The following DNAH2 variants were observed in gnomAD, a reference collection of about 807,000 sequenced individuals.
The protein encoded by DNAH2 is axonemal beta dynein heavy chain 2.
Under a neutral mutation model 523.5 loss-of-function variants are expected in DNAH2, and 323 were observed. The observed-to-expected ratio is 0.62, with a 90% CI of 0.56 to 0.68. The LOEUF (loss-of-function observed/expected upper bound fraction) is 0.68. Ranked by LOEUF, DNAH2 falls within the 30% of genes least tolerant of loss-of-function variation. The probability of loss-of-function intolerance (pLI) is 0.00; values close to 1 mark genes in which losing one functional copy is unlikely to be tolerated. For missense variants in DNAH2, 4,907 were observed against 5,701.5 expected (o/e 0.86, Z 4.49); for synonymous variants, 2,093 against 2,177.4 (o/e 0.96, Z 1.08).
chr17:7,809,269 T>A (rs1287800678), intron 63 of DNAH2, among the ~76,000 whole-genome samples: 2 of 152,200 alleles, frequency 1.3e-5, no homozygotes, highest in Non-Finnish European at 2.9e-5. Context: ...CACTGGCTCG[T>A]CACCGTCAGA....
At chr17:7,758,432 T>C (rs945944887) in intron 13 of DNAH2, 63 bp from the exon 14 acceptor site, 8 of 1,550,758 alleles carry the variant, frequency 5.2e-6, no homozygotes, top group South Asian at 1.2e-5. Context: ...CACTGTTTCC[T>C]GAAGTGGAGG....
intron 48 of DNAH2, among the ~76,000 whole-genome samples, chr17:7,793,785 A>G (rs1212508653): frequency 2.0e-5 from 3 of 151,992 alleles, no homozygotes; most frequent in Non-Finnish European, 4.4e-5. Flanking sequence ...ATCAGCGGCC[A>G]TCGCGGCCTG....
At chr17:7,799,741 C>A (rs1433091081) in intron 56 of DNAH2, among the ~76,000 whole-genome samples, 3 of 152,100 alleles carry the variant, frequency 2.0e-5, no homozygotes, top group Non-Finnish European at 4.4e-5. Flanking sequence ...TCGCTTGAAC[C>A]CGGGAGGCAG....
In DNAH2 at chr17:7,792,911, C is replaced by A. The variant is rs2076939370; in HGVS notation, c.7344+56C>A. The stretch of plus-strand genomic sequence containing the variant: ...GGCTCCCTTGGGATCCAAGTGCCTG[C>A]CTGACCCTCCTCTCTAAGCCCGTAT... On this transcript the variant is annotated intron_variant, in intron 47 of 85. Transcript: ENST00000572933. 7.5e-6 allele frequency: 12 copies of A among 1,603,548 alleles called. 1 individual carries two copies. The East Asian group carries it at 2.7e-4, about 36-fold the overall frequency.
chr17:7,736,184 T>TA (rs959089641), intron 7 of DNAH2, among the ~76,000 whole-genome samples: 46 of 151,696 alleles, frequency 3.0e-4, no homozygotes, highest in African/African-American at 1.1e-3. Flanking sequence ...CAATAAACAT[T>TA]AAAAAAAAAT....
rs141705615 is a variant in DNAH2 at position 7,727,470 on chromosome 17, T to C, written c.399+178T>C. Among the ~76,000 whole-genome samples, 805 of 152,200 alleles carry C rather than the reference T, an allele frequency of 5.3e-3. 12 individuals are homozygous for C. The highest frequency in any genetic ancestry group is 0.018 in the African/African-American group (750 of 41,534). On this transcript the variant is annotated intron_variant, in intron 4 of 85. Coordinates refer to ENST00000572933, the MANE Select transcript of DNAH2 (RefSeq NM_020877.5). The stretch of plus-strand genomic sequence containing the variant: ...GAAGGATGACGCAAGAACGCTGTCA[T>C]GGGCTGGGCGCGGTGGCTCACGCCT...
Position 7,798,550 on chromosome 17 carries a change from C to G in DNAH2, c.8399-8C>G. 6.2e-7 allele frequency: 1 copy of G among 1,613,752 alleles called. No homozygotes were observed. Among genetic ancestry groups the G allele is most frequent in the Non-Finnish European group, 8.5e-7 (1 of 1,179,926 alleles). Reference sequence around the variant, plus strand: ...AGTGAGTTTGTCCTCCTTCCCTCCCCCGGCCAGATATCAAGCGTCTGTATC... The same window carrying G: ...AGTGAGTTTGTCCTCCTTCCCTCCCGCGGCCAGATATCAAGCGTCTGTATC... On this transcript the variant is annotated splice_region_variant and splice_polypyrimidine_tract_variant and intron_variant, in intron 54 of 85. Coordinates refer to ENST00000572933, the MANE Select transcript of DNAH2 (RefSeq NM_020877.5). This position sits in a 1 kb window ranked among gnomAD's most constrained non-coding sequence, Gnocchi z 5.5.
rs974534898 is a variant in DNAH2 at position 7,780,107 on chromosome 17, A to C, written c.5723-50A>C. On this transcript the variant is annotated intron_variant, in intron 36 of 85. Transcript: ENST00000572933. The surrounding 1 kb of genome is among the most constrained non-coding windows in gnomAD (Gnocchi z 4.4). ...ATTGGAAAGTGGGTTTGGGGAAGCAAATCAAGATGAGGAAATATATGATTC... is the reference window on the plus strand; with the variant it reads ...ATTGGAAAGTGGGTTTGGGGAAGCACATCAAGATGAGGAAATATATGATTC... The C allele has an allele frequency of 3.2e-6, 5 of 1,577,626 alleles. No individual in the cohort carries two copies. The Admixed American group carries it at 7.7e-5, about 24-fold the overall frequency.
At position 7,833,393 on chromosome 17, in the gene DNAH2, C is replaced by G. The variant is rs1380873608; in HGVS notation, c.13144C>G (p.Pro4382Ala). Residue 4382 changes from proline (P) to alanine (A), a missense_variant, in exon 86 of 86, where the codon CCC becomes GCC. Transcript: ENST00000572933. ...CTTTCCCCCAGGCATGTACTCCTGC[C>G]CCTGCTATTACTATCCCAACCGGGC... The part of the protein sequence containing the change: ...KKSAKGMYSC[P>A]CYYYPNRAGS... 1 of 1,614,004 alleles carries G rather than the reference C, an allele frequency of 6.2e-7. No individual in the cohort carries two copies. Among genetic ancestry groups the G allele is most frequent in the Non-Finnish European group, 8.5e-7 (1 of 1,180,034 alleles).
chr17:7,773,662 C>T (rs780208904), intron 28 of DNAH2, among the ~76,000 whole-genome samples: 15 of 152,222 alleles, frequency 9.9e-5, no homozygotes, highest in Non-Finnish European at 1.3e-4. Flanking sequence ...TGAGGTGTGA[C>T]AGCAAAACTA....
intron 26 of DNAH2, 55 bp downstream of exon 26, chr17:7,770,694 A>G: frequency 6.2e-7 from 1 of 1,613,482 alleles, no homozygotes; most frequent in South Asian, 1.1e-5. Flanking sequence ...CAGGCTGCAG[A>G]GTGGGACCAA....
intron 2 of DNAH2, among the ~76,000 whole-genome samples, chr17:7,722,048 G>C (rs903596817): frequency 6.6e-6 from 1 of 152,152 alleles, no homozygotes; most frequent in Non-Finnish European, 1.5e-5. Flanking sequence ...ACCCAGGCTG[G>C]AGTGCAATGG....
In DNAH2 at chr17:7,807,687, C is replaced by A; in HGVS notation, c.9729+101C>A. 1 of 1,046,138 alleles carries A rather than the reference C, an allele frequency of 9.6e-7. No individual in the cohort carries two copies. The highest frequency in any genetic ancestry group is 1.4e-6 in the Non-Finnish European group (1 of 701,570). 64.8% of individuals were successfully genotyped at this position (1,046,138 alleles called of 1,614,324 possible). ...CCCCCATCTAATTCTAGCCCCCTTC[C>A]CCATGTCCTGTGCCATTCCAGTCCT... On this transcript the variant is annotated intron_variant, in intron 63 of 85. Coordinates refer to ENST00000572933, the MANE Select transcript of DNAH2 (RefSeq NM_020877.5). The surrounding 1 kb of genome is among the most constrained non-coding windows in gnomAD (Gnocchi z 5.6).
chr17:7,797,204 A>G lies in DNAH2; in HGVS notation c.7892A>G (p.Lys2631Arg), dbSNP rs1212833630. ...TTCCAGGGCATGCTTAGAGCCAACA[A>G]GGACTTCCATGATACCAAGTCCAGC... Reference protein sequence around the residue: ...KVFQGMLRANKDFHDTKSSIT... With the variant: ...KVFQGMLRANRDFHDTKSSIT... Residue 2631 changes from lysine to arginine, a missense_variant, in exon 51 of 86, where the codon AAG becomes AGG. By Grantham distance (26) the Lys-to-Arg change is conservative. Coordinates refer to ENST00000572933, the MANE Select transcript of DNAH2 (RefSeq NM_020877.5). The G allele has an allele frequency of 1.2e-6, 2 of 1,613,882 alleles. No individual in the cohort carries two copies. Among genetic ancestry groups the G allele is most frequent in the South Asian group, 1.1e-5 (1 of 91,076 alleles).
At chr17:7,820,767 C>A (rs924132874) in intron 72 of DNAH2, among the ~76,000 whole-genome samples, 4 of 152,126 alleles carry the variant, frequency 2.6e-5, no homozygotes, top group African/African-American at 9.7e-5. Flanking sequence ...TGGCTGGGCA[C>A]GTTGGCTCAC....
Position 7,760,761 on chromosome 17 carries a change from A to T in DNAH2, c.2807A>T (p.Lys936Met). ...TVVEQDEDIKKIQTQISSGMT... is the reference protein window; with the variant it reads ...TVVEQDEDIKMIQTQISSGMT... The stretch of plus-strand genomic sequence containing the variant: ...GAAGAGCAAGATGAGGACATCAAGA[A>T]GATCCAGACCCAAATCAGCAGCGGC... The change falls in exon 18 of 86, where the codon AAG becomes ATG. Residue 936 changes from lysine to methionine, a missense_variant. Lys to Met is a moderately conservative substitution (Grantham distance 95, BLOSUM62 -1). Around this residue, in one of 3 missense-constraint regions of DNAH2, gnomAD observed 2,806 missense variants for 3,190.8 expected, o/e 0.88. Transcript: ENST00000572933. The surrounding 1 kb of genome is among the most constrained non-coding windows in gnomAD (Gnocchi z 4.0). The T allele has an allele frequency of 6.2e-7, 1 of 1,614,032 alleles. No homozygotes were observed. Among genetic ancestry groups the T allele is most frequent in the South Asian group, 1.1e-5 (1 of 91,056 alleles).
intron 50 of DNAH2, 72 bp from the exon 51 acceptor site, chr17:7,797,104 A>C: frequency 1.1e-6 from 1 of 949,832 alleles, no homozygotes; most frequent in Non-Finnish European, 1.5e-6. Context: ...TCTGTCCCAA[A>C]AAAAAAAAAA....
At chr17:7,761,838 G>A (rs1390843690) in intron 18 of DNAH2, among the ~76,000 whole-genome samples, 1 of 151,162 alleles carries the variant, frequency 6.6e-6, no homozygotes, top group Non-Finnish European at 1.5e-5. Flanking sequence ...TGGGCCTCTG[G>A]TCATTCATTC....
rs1377912835 is a variant in DNAH2, at chr17:7,798,689, A to C, written c.8530A>C (p.Asn2844His). Reference protein sequence around the residue: ...NNILSSGEVPNLYKPDEFEEI... With the variant: ...NNILSSGEVPHLYKPDEFEEI... The stretch of plus-strand genomic sequence containing the variant: ...CATCCTCAGCTCAGGCGAGGTGCCC[A>C]ATCTCTACAAGCCTGATGAATTTGA... Residue 2844 changes from asparagine to histidine, a missense_variant, in exon 55 of 86, where the codon AAT becomes CAT. Coordinates refer to ENST00000572933, the MANE Select transcript of DNAH2 (RefSeq NM_020877.5). This position sits in a 1 kb window ranked among gnomAD's most constrained non-coding sequence, Gnocchi z 5.5. 3.1e-6 allele frequency: 5 copies of C among 1,613,928 alleles called. No homozygotes were observed. Among genetic ancestry groups the C allele is most frequent in the Non-Finnish European group, 2.5e-6 (3 of 1,180,006 alleles).
Sources: gnomAD v4.1 joint callset for allele counts (sites outside exome capture counted in the v4.1 genomes callset) on GRCh38, gnomAD v4.1.1 for gene constraint, gnomAD v4.1.1 regional missense constraint, Gnocchi (gnomAD v3.1) non-coding constraint, MANE v1.5 for transcripts, NCBI Gene and HGNC (gene_info 2026-07-23, HGNC 2026-07-21) for gene names.